The following IRX2 variants were observed in gnomAD, a reference collection of about 807,000 sequenced individuals.
IRX2 encodes the protein iroquois-class homeodomain protein IRX-2.
Under a neutral mutation model 42.9 loss-of-function variants are expected in IRX2, and 26 were observed. The observed-to-expected ratio is 0.61, with a 90% CI of 0.44 to 0.84. The LOEUF (loss-of-function observed/expected upper bound fraction) is 0.84. IRX2 is among the 40% of genes least tolerant of loss of function. The pLI is 0.00. For synonymous variants in IRX2, 424 were observed against 353.9 expected, an observed-to-expected ratio of 1.20 and a Z score of -2.22; for missense variants, 782 against 713.9, an observed-to-expected ratio of 1.10 and a Z score of -1.09.
intron 2 of IRX2, 147 bp from the exon 3 acceptor site, chr5:2,749,199 C>T (rs1466426439): frequency 4.1e-6 from 6 of 1,459,960 alleles, no homozygotes; most frequent in Middle Eastern, 2.4e-4. Flanking sequence ...GGAGCCTGAC[C>T]TCCCCGGGAA....
chr5:2,739,408 G>A, the IRX2 span, among the ~76,000 whole-genome samples: 46 of 152,348 alleles, frequency 3.0e-4, no homozygotes, highest in African/African-American at 1.1e-3. Flanking sequence ...GGGCTACACG[G>A]CTCGCGCCGA....
chr5:2,742,735 A>G (rs1231770914), downstream of IRX2, among the ~76,000 whole-genome samples: 2 of 152,214 alleles, frequency 1.3e-5, no homozygotes, highest in Non-Finnish European at 2.9e-5. Context: ...AAACTTTCTC[A>G]TAATTCACTT....
downstream of IRX2, among the ~76,000 whole-genome samples, chr5:2,741,497 G>C (rs901810433): frequency 6.6e-6 from 1 of 152,180 alleles, no homozygotes; most frequent in Admixed American, 6.5e-5. Flanking sequence ...AGAGGTGTAG[G>C]GGTGAGTCTT....
chr5:2,748,978 G>A lies in IRX2; in HGVS notation c.730C>T (p.Arg244Cys), dbSNP rs368240882. ...AESDGEKLPC[R>C]AGDPLCESGS... ...GATTCGCACAGGGGGTCCCCGGCGC[G>A]GCACGGAAGCTTCTCCCCGTCCGAC... The change falls in exon 3 of 4, where the codon CGC (arginine) becomes TGC (cysteine). Residue 244 changes from arginine (R) to cysteine (C), a missense_variant. This residue lies in a region of IRX2 where 520 missense variants were observed against 437.8 expected (regional missense o/e 1.19). Coordinates refer to ENST00000302057, the MANE Select transcript of IRX2 (RefSeq NM_033267.5). 2 of 1,597,108 alleles carry A rather than the reference G, an allele frequency of 1.3e-6. No individual in the cohort carries two copies. The highest frequency in any genetic ancestry group is 1.7e-6 in the Non-Finnish European group (2 of 1,179,446).
the IRX2 span, among the ~76,000 whole-genome samples, chr5:2,740,191 G>GT: frequency 0.052 from 7,727 of 149,368 alleles, 186 homozygotes; most frequent in African/African-American, 0.059. Flanking sequence ...GCGGGGGCGG[G>GT]GGTCCTGCCC....
At chr5:2,749,886 C>T in intron 1 of IRX2, 99 bp from the exon 2 acceptor site, 1 of 1,286,146 alleles carries the variant, frequency 7.8e-7, no homozygotes, top group Non-Finnish European at 1.1e-6. Flanking sequence ...CACCGTTCCC[C>T]CCGTGAGTCT....
downstream of IRX2, among the ~76,000 whole-genome samples, chr5:2,743,535 C>CGGAGCCGGGAGCGCGCCCAGGCGT (rs1737590430): frequency 6.6e-6 from 1 of 151,882 alleles, no homozygotes; most frequent in Admixed American, 6.5e-5. Context: ...CGCCGGGCCG[C>CGGAGCCGGGAGCGCGCCCAGGCGT]GGAGCCGGGA....
Position 2,751,185 on chromosome 5 carries a change from C to G in IRX2, c.229G>C (p.Ala77Pro). 1 of 1,266,430 alleles carries G rather than the reference C, an allele frequency of 7.9e-7. No homozygotes were observed. The highest frequency in any genetic ancestry group is 9.9e-7 in the Non-Finnish European group (1 of 1,007,714). 78.4% of individuals were successfully genotyped at this position (1,266,430 alleles called of 1,614,324 possible). Residue 77 changes from alanine (A) to proline (P), a missense_variant, in exon 1 of 4, where the codon GCC becomes CCC. By Grantham distance (27) the Ala-to-Pro change is conservative. Transcript: ENST00000302057. The surrounding 1 kb of genome is among the most constrained non-coding windows in gnomAD (Gnocchi z 4.0). Reference protein sequence around the residue: ...QYSADAAAAAAGFPSYMGAPY... With the variant: ...QYSADAAAAAPGFPSYMGAPY... ...GTTACCATGTAGGACGGGAAGCCGG[C>G]GGCGGCGGCGGCGGCGTCGGCCGAG... is the stretch of plus-strand genomic sequence containing the variant.
Position 2,748,953 on chromosome 5 carries a change from G to A in IRX2, c.755C>T (p.Ser252Leu). 6.3e-7 allele frequency: 1 copy of A among 1,596,838 alleles called. No individual in the cohort carries two copies. The highest frequency in any genetic ancestry group is 1.1e-5 in the South Asian group (1 of 90,786). ...PCRAGDPLCE[S>L]GSECKDKYDD... ...ATACTTGTCCTTGCACTCCGAGCCC[G>A]ATTCGCACAGGGGGTCCCCGGCGCG... The change falls in exon 3 of 4, where the codon TCG becomes TTG. Residue 252 changes from serine (S) to leucine (L), a missense_variant. By Grantham distance (145) the Ser-to-Leu change is moderately radical. Around this residue, in one of 3 missense-constraint regions of IRX2, gnomAD observed 520 missense variants for 437.8 expected, o/e 1.19. Coordinates refer to ENST00000302057, the MANE Select transcript of IRX2 (RefSeq NM_033267.5).
At chr5:2,740,329 G>A in the IRX2 span, among the ~76,000 whole-genome samples, 10 of 152,094 alleles carry the variant, frequency 6.6e-5, no homozygotes, top group South Asian at 2.1e-3. Flanking sequence ...GTCACACCGG[G>A]GCTGAGGTCA....
Position 2,750,751 on chromosome 5 carries a change from G to T in IRX2, c.249+414C>A, listed in dbSNP as rs921693654. On this transcript the variant is annotated intron_variant, in intron 1 of 3. Coordinates refer to ENST00000302057, the MANE Select transcript of IRX2 (RefSeq NM_033267.5). ...CGAACCGCCCGGCCGTCGGCTCAGAGGCCGCAGTGACGCGGACCCTCGCGC... is the reference window on the plus strand; with the variant it reads ...CGAACCGCCCGGCCGTCGGCTCAGATGCCGCAGTGACGCGGACCCTCGCGC... Among the ~76,000 whole-genome samples the T allele has an allele frequency of 2.0e-5, 3 of 152,184 alleles. No individual in the cohort carries two copies. In the South Asian group the frequency reaches 6.2e-4, roughly 31 times the overall value.
Position 2,751,564 on chromosome 5 carries a change from C to T in IRX2, c.-151G>A, listed in dbSNP as rs1279275166. The T allele has an allele frequency of 6.3e-6, 2 of 318,314 alleles. No homozygotes were observed. Among genetic ancestry groups the T allele is most frequent in the Non-Finnish European group, 8.8e-6 (2 of 226,600 alleles). The allele number at this position is 318,314 out of a possible 1,614,324, so 19.7% of individuals were successfully genotyped here. A position where few individuals can be genotyped will look rare whatever the true frequency, so the allele number is the denominator to read the frequency against. On this transcript the variant is annotated 5_prime_UTR_variant, in exon 1 of 4. Coordinates refer to ENST00000302057, the MANE Select transcript of IRX2 (RefSeq NM_033267.5). The surrounding 1 kb of genome is among the most constrained non-coding windows in gnomAD (Gnocchi z 4.0). ...GGCCCGGGTACTAGCCTGGGCGGCC[C>T]GCGGGCCGGGGCGGCGGCGGGGTGG...
rs576005663 is a variant in IRX2 at position 2,751,246 on chromosome 5, C to T, written c.168G>A (p.Ala56=). 3 of 1,395,826 alleles carry T rather than the reference C, an allele frequency of 2.1e-6. No homozygotes were observed. The highest frequency in any genetic ancestry group is 1.5e-5 in the African/African-American group (1 of 66,006). 86.5% of individuals were successfully genotyped at this position (1,395,826 alleles called of 1,614,324 possible). The change falls in exon 1 of 4, where the codon GCG becomes GCA. Residue 56 remains alanine, a synonymous_variant. Transcript: ENST00000302057. The surrounding 1 kb of genome is among the most constrained non-coding windows in gnomAD (Gnocchi z 4.0). ...SPYPGSAAFT[A]QAATGFGSPL... ...GGCTCCCGAAGCCGGTGGCCGCCTG[C>T]GCCGTGAAGGCCGCCGAGCCCGGGT...
Position 2,749,776 on chromosome 5 carries a change from G to C in IRX2, c.261C>G (p.Tyr87Ter). The C allele has an allele frequency of 6.2e-7, 1 of 1,605,426 alleles. No homozygotes were observed. Among genetic ancestry groups the C allele is most frequent in the Non-Finnish European group, 8.5e-7 (1 of 1,176,082 alleles). The change falls in exon 2 of 4, where the codon TAC becomes TAG. Residue 87 changes from tyrosine to a stop codon, truncating the protein, a stop_gained. Transcript: ENST00000302057. LOFTEE classifies it high-confidence loss of function. ...AGFPSYMGAP[Y>*]DAHTTGMTGA... is the part of the protein sequence containing the mutation. ...CGGTCATGCCGGTGGTGTGCGCGTC[G>C]TAGGGTGCGCCCTGGAACCAACAAG... is the stretch of plus-strand genomic sequence containing the variant.
Position 2,751,461 on chromosome 5 carries a change from G to C in IRX2, c.-48C>G. 1 of 1,120,194 alleles carries C rather than the reference G, an allele frequency of 8.9e-7. No homozygotes were observed. The highest frequency in any genetic ancestry group is 5.2e-5 in the Admixed American group (1 of 19,236). 69.4% of individuals were successfully genotyped at this position (1,120,194 alleles called of 1,614,324 possible). ...CGCGTCACGCCGAGCAGCGGGCAGGGCGCGCGGCGCCCTCCATCCACGCCC... is the reference window on the plus strand; with the variant it reads ...CGCGTCACGCCGAGCAGCGGGCAGGCCGCGCGGCGCCCTCCATCCACGCCC... On this transcript the variant is annotated 5_prime_UTR_variant, in exon 1 of 4. Transcript: ENST00000302057. The surrounding 1 kb of genome is among the most constrained non-coding windows in gnomAD (Gnocchi z 4.0).
intron 3 of IRX2, among the ~76,000 whole-genome samples, chr5:2,748,089 A>G (rs956945385): frequency 6.6e-6 from 1 of 152,208 alleles, no homozygotes; most frequent in Non-Finnish European, 1.5e-5. Flanking sequence ...TGCCGAAACT[A>G]AGACAGCCAC....
rs759326506 is a variant in IRX2, at chr5:2,748,959, C to T, written c.749G>A (p.Cys250Tyr). ...KLPCRAGDPL[C>Y]ESGSECKDKY... ...GTCCTTGCACTCCGAGCCCGATTCG[C>T]ACAGGGGGTCCCCGGCGCGGCACGG... The change falls in exon 3 of 4, where the codon TGC (cysteine) becomes TAC (tyrosine). Residue 250 changes from cysteine (C) to tyrosine (Y), a missense_variant. Transcript: ENST00000302057. The T allele has an allele frequency of 6.3e-7, 1 of 1,597,434 alleles. No homozygotes were observed. Among genetic ancestry groups the T allele is most frequent in the East Asian group, 2.2e-5 (1 of 44,800 alleles).
At chr5:2,745,512 T>C (rs1002452868), downstream of IRX2, among the ~76,000 whole-genome samples, 1 of 152,142 alleles carries the variant, frequency 6.6e-6, no homozygotes, top group African/African-American at 2.4e-5. Flanking sequence ...AATTAGAAAG[T>C]GAGTAACACA....
chr5:2,748,792 C>T lies in IRX2; in HGVS notation c.916G>A (p.Gly306Ser). The T allele has an allele frequency of 7.1e-7, 1 of 1,417,564 alleles. No homozygotes were observed. Among genetic ancestry groups the T allele is most frequent in the South Asian group, 1.5e-5 (1 of 65,866 alleles). 87.8% of individuals were successfully genotyped at this position (1,417,564 alleles called of 1,614,324 possible). The change falls in exon 3 of 4, where the codon GGT (glycine) becomes AGT (serine). Residue 306 changes from glycine to serine, a missense_variant. This residue lies in a region of IRX2 where 520 missense variants were observed against 437.8 expected (regional missense o/e 1.19). Coordinates refer to ENST00000302057, the MANE Select transcript of IRX2 (RefSeq NM_033267.5). ...CTGCCCTGGGGCGTCTTGCGGCCAC[C>T]GCGGGGCGCGGCCTCGGGCGGGGGG... Reference protein sequence around the residue: ...LSPPPEAAPRGGRKTPQGSRT... With the variant: ...LSPPPEAAPRSGRKTPQGSRT...
Sources: gnomAD v4.1 joint callset for allele counts (sites outside exome capture counted in the v4.1 genomes callset) on GRCh38, gnomAD v4.1.1 for gene constraint, gnomAD v4.1.1 regional missense constraint, Gnocchi (gnomAD v3.1) non-coding constraint, MANE v1.5 for transcripts, NCBI Gene and HGNC (gene_info 2026-07-23, HGNC 2026-07-21) for gene names.